The following RALGPS1 variants were observed in gnomAD, a reference collection of about 807,000 sequenced individuals.
The protein encoded by RALGPS1 is ras-specific guanine nucleotide-releasing factor RalGPS1.
In RALGPS1, 19 loss-of-function variants were observed where a neutral mutation model predicts 78.8. The observed-to-expected ratio is 0.24, with a 90% confidence interval of 0.17 to 0.35. The LOEUF (loss-of-function observed/expected upper bound fraction) is 0.35, where lower values mean the gene tolerates loss of function less well. Ranked by LOEUF, RALGPS1 falls within the 10% of genes least tolerant of loss-of-function variation. The pLI is 1.00. For missense variants in RALGPS1, 454 were observed against 688.3 expected, an observed-to-expected ratio of 0.66 and a Z score of 3.81; for synonymous variants, 228 against 256.3, an observed-to-expected ratio of 0.89 and a Z score of 1.06.
At chr9:127,108,684 G>A (rs1231800772) in intron 8 of RALGPS1, 1 of 1,613,442 alleles carries the variant, frequency 6.2e-7, no homozygotes, top group Non-Finnish European at 8.5e-7. Context: ...CAGCTCCCAT[G>A]GCAGCCAGCA....
intron 8 of RALGPS1, among the ~76,000 whole-genome samples, chr9:127,076,800 G>A (rs1180970899): frequency 6.6e-6 from 1 of 152,324 alleles, no homozygotes; most frequent in Non-Finnish European, 1.5e-5. Context: ...AAAAGGCAAA[G>A]GAGCAAACCA....
chr9:126,975,928 A>G (rs866243737), intron 3 of RALGPS1, among the ~76,000 whole-genome samples: 3 of 152,294 alleles, frequency 2.0e-5, no homozygotes, highest in Middle Eastern at 6.8e-3. Context: ...GTTTCCATGA[A>G]GAACACTAGC....
chr9:127,018,164 G>A (rs890636167), intron 4 of RALGPS1, among the ~76,000 whole-genome samples: 3 of 151,724 alleles, frequency 2.0e-5, no homozygotes, highest in Non-Finnish European at 2.9e-5. Context: ...GCAGTGACCC[G>A]ACATTGCGCC....
At chr9:126,968,320 A>T (rs971417961) in intron 3 of RALGPS1, among the ~76,000 whole-genome samples, 2 of 152,170 alleles carry the variant, frequency 1.3e-5, no homozygotes, top group Admixed American at 6.5e-5. Flanking sequence ...TTCAATTCTT[A>T]CAACAACTCA....
chr9:126,957,873 G>GC (rs2038484703), intron 1 of RALGPS1, among the ~76,000 whole-genome samples: 1 of 151,870 alleles, frequency 6.6e-6, no homozygotes, highest in African/African-American at 2.4e-5. Flanking sequence ...GGTGACTCAT[G>GC]CCTATCTATA....
rs143359027 is a variant in RALGPS1 at position 126,939,084 on chromosome 9, G to C, written c.-65-23141G>C. On this transcript the variant is annotated intron_variant, in intron 1 of 18. Transcript: ENST00000259351. ...ACTTCTAAGGGCTGGAAGTGGGAGA[G>C]GGGGGCAGAGGGTCTGCACTTCAGC... 2.1e-4 allele frequency among the ~76,000 whole-genome samples: 32 copies of C among 152,314 alleles called. No homozygotes were observed. In the East Asian group the frequency reaches 6.0e-3, roughly 28 times the overall value.
At chr9:126,961,120 C>T (rs540837132) in intron 1 of RALGPS1, among the ~76,000 whole-genome samples, 3 of 152,276 alleles carry the variant, frequency 2.0e-5, no homozygotes, top group Non-Finnish European at 1.5e-5. Flanking sequence ...CAGCTTTCTG[C>T]GTTCAGTGAT....
At chr9:127,049,735 A>C (rs1189340180) in intron 5 of RALGPS1, among the ~76,000 whole-genome samples, 2 of 152,154 alleles carry the variant, frequency 1.3e-5, no homozygotes, top group African/African-American at 4.8e-5. Flanking sequence ...TCATCTCAGG[A>C]TTCCCAGCAA....
At chr9:127,121,012 G>C (rs1225961516) in intron 8 of RALGPS1, among the ~76,000 whole-genome samples, 1 of 152,056 alleles carries the variant, frequency 6.6e-6, no homozygotes, top group Non-Finnish European at 1.5e-5. Flanking sequence ...GGGTGTGGTT[G>C]AGTGGCTCCG....
At chr9:127,191,712 T>TG (rs1186921118) in intron 11 of RALGPS1, among the ~76,000 whole-genome samples, 3 of 149,760 alleles carry the variant, frequency 2.0e-5, no homozygotes, top group Non-Finnish European at 4.5e-5. Context: ...TTTTTTTTTT[T>TG]TTTGAGATGG....
intron 1 of RALGPS1, among the ~76,000 whole-genome samples, chr9:126,932,590 TA>T (rs2035890163): frequency 6.6e-6 from 1 of 152,124 alleles, no homozygotes; most frequent in South Asian, 2.1e-4. Context: ...ACAAGCCCAT[TA>T]AAACAATCCG....
At chr9:127,197,960 A>G (rs906444093) in intron 13 of RALGPS1, among the ~76,000 whole-genome samples, 2 of 152,218 alleles carry the variant, frequency 1.3e-5, no homozygotes, top group Non-Finnish European at 2.9e-5. Context: ...TGCCGGCCCA[A>G]CAGCACTCAG....
chr9:127,049,976 G>A (rs371655517), intron 5 of RALGPS1, 67 bp from the exon 6 acceptor site: 6 of 1,158,370 alleles, frequency 5.2e-6, no homozygotes, highest in East Asian at 2.4e-5. Context: ...AGGGGGACAC[G>A]GGTGGTCCAG....
At chr9:127,104,286 C>G (rs958997151) in intron 8 of RALGPS1, among the ~76,000 whole-genome samples, 8 of 152,222 alleles carry the variant, frequency 5.3e-5, no homozygotes, top group African/African-American at 1.9e-4. Context: ...CCTCCCTGAT[C>G]AGTCTCTGGG....
chr9:127,104,660 A>T (rs1014543077), intron 8 of RALGPS1, among the ~76,000 whole-genome samples: 2 of 152,206 alleles, frequency 1.3e-5, no homozygotes, highest in Admixed American at 6.5e-5. Context: ...TTACTGTCTC[A>T]GTAAGGCTGG....
At chr9:127,041,010 G>A (rs1477971884) in intron 5 of RALGPS1, among the ~76,000 whole-genome samples, 3 of 134,446 alleles carry the variant, frequency 2.2e-5, no homozygotes, top group African/African-American at 2.6e-5. Flanking sequence ...TCACAACTAT[G>A]AATAAAGCTG....
Position 127,034,480 on chromosome 9 carries a change from C to T in RALGPS1, c.266C>T (p.Pro89Leu), listed in dbSNP as rs1480796232. 1 of 1,614,144 alleles carries T rather than the reference C, an allele frequency of 6.2e-7. No individual in the cohort carries two copies. The highest frequency in any genetic ancestry group is 8.5e-7 in the Non-Finnish European group (1 of 1,180,000). ...WSKKEKHSLA[P>L]NVVAFTRRFN... is the part of the protein sequence containing the mutation. ...AAGAAGGAGAAACACAGTCTTGCCC[C>T]TAACGTTGTGGCCTTTACCCGGAGG... Residue 89 changes from proline (P) to leucine (L), a missense_variant, in exon 5 of 19, where the codon CCT (proline) becomes CTT (leucine). Pro to Leu is a moderately conservative substitution (Grantham distance 98, BLOSUM62 -3). Coordinates refer to ENST00000259351, the MANE Select transcript of RALGPS1 (RefSeq NM_014636.3).
chr9:127,133,340 C>G (rs1223100668), intron 8 of RALGPS1, among the ~76,000 whole-genome samples: 1 of 152,280 alleles, frequency 6.6e-6, no homozygotes, highest in Non-Finnish European at 1.5e-5. Flanking sequence ...GCTTCTGACA[C>G]TGGAAACCCC....
intron 4 of RALGPS1, among the ~76,000 whole-genome samples, chr9:126,980,471 G>A (rs2041138760): frequency 6.6e-6 from 1 of 152,246 alleles, no homozygotes; most frequent in Admixed American, 6.5e-5. Flanking sequence ...GGTTTAGAGT[G>A]TGACTCAGGA....
Sources: gnomAD v4.1 joint callset for allele counts (sites outside exome capture counted in the v4.1 genomes callset) on GRCh38, gnomAD v4.1.1 for gene constraint, MANE v1.5 for transcripts, NCBI Gene and HGNC (gene_info 2026-07-23, HGNC 2026-07-21) for gene names.